The following NCAM2 variants were observed in gnomAD, a reference collection of about 807,000 sequenced individuals.
The protein encoded by NCAM2 is neural cell adhesion molecule 2, also known as N-CAM-2.
A neutral mutation model predicts 98.1 loss-of-function variants in NCAM2; 30 were observed. The ratio of observed to expected loss-of-function variants is 0.31; its 90% confidence interval spans 0.23 to 0.41. NCAM2 has a LOEUF of 0.41. NCAM2 is among the 10% of genes least tolerant of loss of function. The pLI is 1.00. For synonymous variants in NCAM2, 368 were observed against 342.4 expected (o/e 1.07, Z -0.83); for missense variants, 867 against 1,005.8 (o/e 0.86, Z 1.87).
intron 1 of NCAM2, among the ~76,000 whole-genome samples, chr21:21,053,848 A>C (rs73218294): frequency 0.06 from 9,038 of 151,650 alleles, 283 homozygotes; most frequent in East Asian, 0.097. Context: ...ATACATATAT[A>C]CATTCATATA....
At position 21,286,206 on chromosome 21, in the gene NCAM2, A is replaced by C. The variant is rs1415990356; in HGVS notation, c.338-63A>C. On this transcript the variant is annotated intron_variant, in intron 3 of 17. Transcript: ENST00000400546. ...ATAGAGTCTGGATTATGTTATTGGG[A>C]GAAATAAGCAATGATACTTTTGTGA... The C allele has an allele frequency of 2.0e-6, 3 of 1,466,824 alleles. No homozygotes were observed. The East Asian group carries it at 7.5e-5, about 37-fold the overall frequency. 90.9% of individuals were successfully genotyped at this position (1,466,824 alleles called of 1,614,324 possible).
chr21:21,063,866 A>G (rs948933735), intron 1 of NCAM2, among the ~76,000 whole-genome samples: 1 of 152,180 alleles, frequency 6.6e-6, no homozygotes, highest in Non-Finnish European at 1.5e-5. Flanking sequence ...AAAAATTTGT[A>G]TAAAGTTTCT....
intron 1 of NCAM2, among the ~76,000 whole-genome samples, chr21:21,008,366 A>G (rs1806532171): frequency 6.6e-6 from 1 of 152,162 alleles, no homozygotes; most frequent in South Asian, 2.1e-4. Context: ...GAATTATACT[A>G]TGGTAATATT....
intron 1 of NCAM2, among the ~76,000 whole-genome samples, chr21:21,099,809 G>A (rs146258885): frequency 5.3e-5 from 8 of 151,940 alleles, no homozygotes; most frequent in East Asian, 1.9e-4. Context: ...TTATATTAGC[G>A]ATCCCAGTTC....
chr21:21,475,169 GT>G (rs1311015971), intron 14 of NCAM2, among the ~76,000 whole-genome samples: 1 of 151,934 alleles, frequency 6.6e-6, no homozygotes, highest in African/African-American at 2.4e-5. Context: ...TTAAAGCTGT[GT>G]AAAAAACTGA....
At position 21,513,617 on chromosome 21, in the gene NCAM2, C is replaced by T. The variant is rs370086417; in HGVS notation, c.2282+4562C>T. ...AAGAATTGTTTTGTGGCCTAACATACGATCTATTCTTCAGAATGTTTCATG... is the reference window on the plus strand; with the variant it reads ...AAGAATTGTTTTGTGGCCTAACATATGATCTATTCTTCAGAATGTTTCATG... On this transcript the variant is annotated intron_variant, in intron 16 of 17. Transcript: ENST00000400546. 5.7e-4 allele frequency among the ~76,000 whole-genome samples: 86 copies of T among 152,156 alleles called. No homozygotes were observed. In the South Asian group the frequency reaches 8.9e-3, roughly 16 times the overall value.
intron 1 of NCAM2, among the ~76,000 whole-genome samples, chr21:21,169,664 G>C (rs1226636174): frequency 6.6e-6 from 1 of 152,086 alleles, no homozygotes; most frequent in East Asian, 1.9e-4. Context: ...AAAATATACA[G>C]ACAGCCAGGC....
At chr21:21,375,793 C>T (rs531223226) in intron 9 of NCAM2, among the ~76,000 whole-genome samples, 2 of 151,034 alleles carry the variant, frequency 1.3e-5, no homozygotes, top group East Asian at 3.9e-4. Flanking sequence ...TATGAGACCT[C>T]CTGGCCTCTT....
intron 1 of NCAM2, among the ~76,000 whole-genome samples, chr21:21,149,368 G>A (rs1026753711): frequency 2.0e-5 from 3 of 152,036 alleles, no homozygotes; most frequent in African/African-American, 7.3e-5. Context: ...AATTTATTTA[G>A]ATCTCTTTTA....
chr21:21,233,631 A>G (rs914879831), intron 1 of NCAM2, among the ~76,000 whole-genome samples: 15 of 151,652 alleles, frequency 9.9e-5, no homozygotes, highest in Non-Finnish European at 2.2e-4. Flanking sequence ...AAATTTCAAA[A>G]CTTGTTTTAA....
At chr21:21,145,942 G>T (rs556191944) in intron 1 of NCAM2, among the ~76,000 whole-genome samples, 2 of 152,116 alleles carry the variant, frequency 1.3e-5, no homozygotes, top group Non-Finnish European at 2.9e-5. Flanking sequence ...AAGAAGAAAG[G>T]CCAGGAAGCC....
intron 15 of NCAM2, among the ~76,000 whole-genome samples, chr21:21,499,601 T>C (rs1276796925): frequency 6.6e-6 from 1 of 152,038 alleles, no homozygotes; most frequent in African/African-American, 2.4e-5. Flanking sequence ...AGGTTTTGTA[T>C]AAAAGTGGAG....
At position 21,431,319 on chromosome 21, in the gene NCAM2, G is replaced by GT. The variant is rs199577257; in HGVS notation, c.1481-789_1481-788insT. Among the ~76,000 whole-genome samples, 246 of 124,456 alleles carry GT rather than the reference G, an allele frequency of 2.0e-3. 2 individuals are homozygous for GT. The highest frequency in any genetic ancestry group is 2.4e-3 in the Admixed American group (30 of 12,634). The allele number at this position is 124,456 out of a possible 152,430, so 81.6% of individuals were successfully genotyped here. On this transcript the variant is annotated intron_variant, in intron 11 of 17. Coordinates refer to ENST00000400546, the MANE Select transcript of NCAM2 (RefSeq NM_004540.5). The stretch of plus-strand genomic sequence containing the variant: ...AGAGTTTTCAAAAATCCCTCACTGG[G>GT]ATTTTTTTTTTTTCTAGTTCTGCGT...
At chr21:21,102,879 T>A (rs1307692811) in intron 1 of NCAM2, among the ~76,000 whole-genome samples, 1 of 152,076 alleles carries the variant, frequency 6.6e-6, no homozygotes, top group East Asian at 1.9e-4. Flanking sequence ...GAAAAAAAAC[T>A]CTCCTCTATA....
chr21:21,355,529 G>A lies in NCAM2; in HGVS notation c.1044+16995G>A, dbSNP rs958105759. 1.2e-4 allele frequency among the ~76,000 whole-genome samples: 12 copies of A among 98,570 alleles called. No individual in the cohort carries two copies. The East Asian group carries it at 4.5e-3, about 37-fold the overall frequency. 64.7% of individuals were successfully genotyped at this position (98,570 alleles called of 152,430 possible). On this transcript the variant is annotated intron_variant, in intron 8 of 17. Coordinates refer to ENST00000400546, the MANE Select transcript of NCAM2 (RefSeq NM_004540.5). ...AATAAGGGAGGGAGAGAGGGAGGAG[G>A]GAGGGAGGGAGAGAGGGAGGGACGG... is the stretch of plus-strand genomic sequence containing the variant.
chr21:21,079,849 T>C (rs1212039650), intron 1 of NCAM2, among the ~76,000 whole-genome samples: 1 of 152,252 alleles, frequency 6.6e-6, no homozygotes, highest in Non-Finnish European at 1.5e-5. Context: ...ATTTTTCAAA[T>C]ACTCAGTGCT....
intron 8 of NCAM2, among the ~76,000 whole-genome samples, chr21:21,368,133 T>C (rs764767652): frequency 8.5e-5 from 13 of 152,050 alleles, no homozygotes; most frequent in Non-Finnish European, 1.3e-4. Flanking sequence ...ATAGACTTTA[T>C]ACATGTATTA....
At chr21:21,214,746 T>TAC (rs764932374) in intron 1 of NCAM2, among the ~76,000 whole-genome samples, 3,064 of 100,364 alleles carry the variant, frequency 0.031, 131 homozygotes, top group Middle Eastern at 0.1. Context: ...TATATATATA[T>TAC]ACACTATATA....
At chr21:21,481,340 G>A (rs1180753837) in intron 15 of NCAM2, among the ~76,000 whole-genome samples, 3 of 152,166 alleles carry the variant, frequency 2.0e-5, no homozygotes, top group African/African-American at 7.2e-5. Context: ...GGAAAAACAG[G>A]AGCGTAGTAT....
Sources: allele counts gnomAD v4.1 joint callset (sites outside exome capture counted in the v4.1 genomes callset), GRCh38; gene constraint gnomAD v4.1.1; transcripts MANE v1.5; gene names NCBI Gene and HGNC (gene_info 2026-07-23, HGNC 2026-07-21).